Variants in LRRN2 observed in about 807,000 individuals in gnomAD.
LRRN2 encodes the protein leucine rich repeat neuronal 2.
In LRRN2, 10 loss-of-function variants were observed where a neutral mutation model predicts 35.7. That is an observed-to-expected ratio of 0.28 (90% CI 0.17 to 0.47). The LOEUF (loss-of-function observed/expected upper bound fraction) is 0.47. Ranked by LOEUF, LRRN2 falls within the 20% of genes least tolerant of loss-of-function variation. The probability of loss-of-function intolerance (pLI) is 0.99; values close to 1 mark genes in which losing one functional copy is unlikely to be tolerated. For synonymous variants in LRRN2, 391 were observed against 409.6 expected, an observed-to-expected ratio of 0.95 and a Z score of 0.55; for missense variants, 731 against 940.3, an observed-to-expected ratio of 0.78 and a Z score of 2.91.
chr1:204,617,944 A>G lies in LRRN2; in HGVS notation c.2049T>C (p.Ser683=), dbSNP rs573586615. 2.5e-6 allele frequency: 4 copies of G among 1,614,006 alleles called. No individual in the cohort carries two copies. The Admixed American group carries it at 6.7e-5, about 27-fold the overall frequency. Residue 683 remains serine, a synonymous_variant, in exon 2 of 2, where the codon TCT becomes TCC. Coordinates refer to ENST00000367177, the MANE Select transcript of LRRN2 (RefSeq NM_201630.2). ...GATTCCAGGGCAGGACGAGGGGAGC[A>G]GACACAACCCGGACAGAAGGGGCAC... ...GWSAPSVRVV[S]APLVLPWNPG... is the part of the protein sequence containing the mutation.
At chr1:204,677,354 G>C (rs1668846293) in intron 1 of LRRN2, among the ~76,000 whole-genome samples, 1 of 152,156 alleles carries the variant, frequency 6.6e-6, no homozygotes, top group Admixed American at 6.5e-5. Context: ...TCTTGGGTGG[G>C]TGAGGGCACT....
At chr1:204,647,155 TAAA>T (rs11284966) in intron 1 of LRRN2, among the ~76,000 whole-genome samples, 238 of 142,710 alleles carry the variant, frequency 1.7e-3, no homozygotes, top group South Asian at 2.7e-3. Flanking sequence ...GCAAGGAGGT[TAAA>T]AAAAAAAAAA....
chr1:204,623,821 T>C lies in LRRN2; in HGVS notation c.-226-3603A>G, dbSNP rs1009268285. Among the ~76,000 whole-genome samples the C allele has an allele frequency of 7.2e-5, 11 of 152,304 alleles. 1 individual carries two copies. In the Middle Eastern group the frequency reaches 0.02, roughly 283 times the overall value. On this transcript the variant is annotated intron_variant, in intron 1 of 1. Coordinates refer to ENST00000367177, the MANE Select transcript of LRRN2 (RefSeq NM_201630.2). ...TGTCCCCAGAGCACCAAGTGTAGGATTGAGCATGTAGCAGGTGCTTGAGAG... is the reference window on the plus strand; with the variant it reads ...TGTCCCCAGAGCACCAAGTGTAGGACTGAGCATGTAGCAGGTGCTTGAGAG...
At chr1:204,681,849 CTCT>C (rs1668963645) in intron 1 of LRRN2, among the ~76,000 whole-genome samples, 1 of 152,160 alleles carries the variant, frequency 6.6e-6, no homozygotes, top group Non-Finnish European at 1.5e-5. Context: ...TTTTGCATAT[CTCT>C]TGTCTTCGGT....
chr1:204,647,597 G>C (rs1216389561), intron 1 of LRRN2, among the ~76,000 whole-genome samples: 3 of 152,102 alleles, frequency 2.0e-5, no homozygotes, highest in Non-Finnish European at 2.9e-5. Context: ...GAAGGGGAGA[G>C]AGCACCAACT....
At chr1:204,663,112 C>G (rs1668504403) in intron 1 of LRRN2, among the ~76,000 whole-genome samples, 1 of 152,158 alleles carries the variant, frequency 6.6e-6, no homozygotes, top group Non-Finnish European at 1.5e-5. Flanking sequence ...CCCTCCAACC[C>G]CCATTTGGAC....
At chr1:204,654,052 A>AG (rs1293462608) in intron 1 of LRRN2, among the ~76,000 whole-genome samples, 1 of 146,528 alleles carries the variant, frequency 6.8e-6, no homozygotes, top group Non-Finnish European at 1.5e-5. Context: ...AAAAAAAAAA[A>AG]AAGGATCTAG....
chr1:204,669,636 G>A (rs916555605), intron 1 of LRRN2, among the ~76,000 whole-genome samples: 1 of 152,236 alleles, frequency 6.6e-6, no homozygotes, highest in Non-Finnish European at 1.5e-5. Flanking sequence ...GCTGAGATCT[G>A]CAGGATAGCT....
intron 1 of LRRN2, among the ~76,000 whole-genome samples, chr1:204,676,188 ACTTTACCTG>A (rs1668820749): frequency 6.6e-6 from 1 of 150,882 alleles, no homozygotes; most frequent in Admixed American, 6.6e-5. Flanking sequence ...ACCCATGCAC[ACTTTACCTG>A]TTGCAAAAGG....
chr1:204,622,614 T>C (rs1450020744), intron 1 of LRRN2, among the ~76,000 whole-genome samples: 3 of 150,126 alleles, frequency 2.0e-5, no homozygotes, highest in Non-Finnish European at 3.0e-5. Flanking sequence ...TGTATGGGGG[T>C]CAGGAAGCAG....
At chr1:204,645,789 A>C (rs1230864065) in intron 1 of LRRN2, among the ~76,000 whole-genome samples, 1 of 152,162 alleles carries the variant, frequency 6.6e-6, no homozygotes, top group Non-Finnish European at 1.5e-5. Context: ...AGTGAGTGCA[A>C]GCAGGGGAAA....
chr1:204,683,880 G>A (rs1404235582), intron 1 of LRRN2, among the ~76,000 whole-genome samples: 1 of 152,218 alleles, frequency 6.6e-6, no homozygotes, highest in East Asian at 1.9e-4. Flanking sequence ...CAGGAAAGTG[G>A]GTCAGGCCAC....
intron 1 of LRRN2, chr1:204,621,212 AG>A (rs1232657348): frequency 1.2e-5 from 2 of 167,266 alleles, no homozygotes; most frequent in Non-Finnish European, 2.9e-5. Flanking sequence ...TCAGCTGTGC[AG>A]GTAAGACCTT....
In LRRN2 at chr1:204,620,113, C is replaced by A. The variant is rs1005443817; in HGVS notation, c.-121G>T. 1.4e-6 allele frequency: 2 copies of A among 1,472,702 alleles called. No homozygotes were observed. The highest frequency in any genetic ancestry group is 1.8e-6 in the Non-Finnish European group (2 of 1,110,340). 91.2% of individuals were successfully genotyped at this position (1,472,702 alleles called of 1,614,324 possible). ...CAAGGAACCACCCTCCCAGGGCAGT[C>A]ATTCTACACCGGGCGTCACTTCTTG... On this transcript the variant is annotated 5_prime_UTR_variant, in exon 2 of 2. The change abolishes an upstream ATG in the 5' untranslated region. Coordinates refer to ENST00000367177, the MANE Select transcript of LRRN2 (RefSeq NM_201630.2).
intron 1 of LRRN2, among the ~76,000 whole-genome samples, chr1:204,624,361 C>G (rs997147151): frequency 6.6e-6 from 1 of 152,196 alleles, no homozygotes; most frequent in Non-Finnish European, 1.5e-5. Context: ...GCTTTTTGCG[C>G]AGCCAGTGAC....
At position 204,676,000 on chromosome 1, in the gene LRRN2, C is replaced by T. The variant is rs118034250; in HGVS notation, c.-227+9320G>A. Among the ~76,000 whole-genome samples, 139 of 152,286 alleles carry T rather than the reference C, an allele frequency of 9.1e-4. 1 individual carries two copies. In the East Asian group the frequency reaches 0.018, roughly 19 times the overall value. On this transcript the variant is annotated intron_variant, in intron 1 of 1. Transcript: ENST00000367177. ...CTATGCCCACCAGAAAAGAGGTCTC[C>T]GGGGAGGAAAGAATGAGGACTGTTT...
In LRRN2 at chr1:204,618,193, G is replaced by A; in HGVS notation, c.1800C>T (p.Ala600=). The A allele has an allele frequency of 6.2e-7, 1 of 1,614,176 alleles. No homozygotes were observed. Among genetic ancestry groups the A allele is most frequent in the Non-Finnish European group, 8.5e-7 (1 of 1,180,022 alleles). ...CCAACTGGGTGTGGGCATCAGCAAA[G>A]GCCACTTGCAGGCAGGCCCAGTACT... is the stretch of plus-strand genomic sequence containing the variant. ...ATEYWACLQV[A]FADAHTQLAC... The change falls in exon 2 of 2, where the codon GCC becomes GCT. Residue 600 remains alanine, a synonymous_variant. Transcript: ENST00000367177.
At chr1:204,623,354 C>T (rs934506141) in intron 1 of LRRN2, among the ~76,000 whole-genome samples, 10 of 152,234 alleles carry the variant, frequency 6.6e-5, no homozygotes, top group Non-Finnish European at 1.2e-4. Context: ...TCCCCTTCAC[C>T]CCAGACTGCT....
At chr1:204,684,532 C>G (rs549423226) in intron 1 of LRRN2, among the ~76,000 whole-genome samples, 1 of 152,330 alleles carries the variant, frequency 6.6e-6, no homozygotes, top group African/African-American at 2.4e-5. Flanking sequence ...TCCCTCACCC[C>G]GCGGCTCCTC....
Sources: allele counts gnomAD v4.1 joint callset (sites outside exome capture counted in the v4.1 genomes callset), GRCh38; gene constraint gnomAD v4.1.1; transcripts MANE v1.5; gene names NCBI Gene and HGNC (gene_info 2026-07-23, HGNC 2026-07-21).